The following ULK4 variants were observed in gnomAD, a reference collection of about 807,000 sequenced individuals.
The protein encoded by ULK4 is unc-51 like kinase 4.
Under a neutral mutation model 160.6 loss-of-function variants are expected in ULK4, and 133 were observed. That is an observed-to-expected ratio of 0.83 (90% CI 0.72 to 0.96). The LOEUF (loss-of-function observed/expected upper bound fraction) is 0.96, where lower values mean the gene tolerates loss of function less well. Among genes scored for constraint, ULK4 ranks in the 40% least tolerant of loss-of-function variants. ULK4 has a pLI of 0.00. For synonymous variants in ULK4, 534 were observed against 539.8 expected, an observed-to-expected ratio of 0.99 and a Z score of 0.15; for missense variants, 1,580 against 1,499.5, an observed-to-expected ratio of 1.05 and a Z score of -0.89.
intron 32 of ULK4, among the ~76,000 whole-genome samples, chr3:41,514,169 C>T (rs764233268): frequency 2.6e-4 from 40 of 152,038 alleles, no homozygotes; most frequent in Non-Finnish European, 5.0e-4. Context: ...GTAGATTTTG[C>T]TTGAAACAGG....
At chr3:41,819,753 T>C (rs761960602) in intron 18 of ULK4, among the ~76,000 whole-genome samples, 1 of 152,228 alleles carries the variant, frequency 6.6e-6, no homozygotes, top group East Asian at 1.9e-4. Flanking sequence ...CATTAGAAGG[T>C]AGATTTAAAA....
At chr3:41,836,052 C>A in intron 17 of ULK4, 81 bp from the exon 18 acceptor site, 2 of 955,054 alleles carry the variant, frequency 2.1e-6, no homozygotes, top group Non-Finnish European at 3.2e-6. Context: ...AAGCAGGATA[C>A]CCTGTAAAAG....
At chr3:41,385,324 T>C (rs1371076233) in intron 35 of ULK4, among the ~76,000 whole-genome samples, 2 of 152,008 alleles carry the variant, frequency 1.3e-5, no homozygotes, top group Non-Finnish European at 2.9e-5. Context: ...CAACAGAAAC[T>C]TGAAAGAGCA....
At chr3:41,482,232 G>C (rs143308054) in intron 32 of ULK4, among the ~76,000 whole-genome samples, 1,757 of 152,268 alleles carry the variant, frequency 0.012, 39 homozygotes, top group African/African-American at 0.036. Context: ...GTCTGCACGA[G>C]GGCACTGGCT....
intron 17 of ULK4, among the ~76,000 whole-genome samples, chr3:41,865,823 A>G (rs185375827): frequency 1.8e-3 from 272 of 152,314 alleles, no homozygotes; most frequent in Non-Finnish European, 2.8e-3. Context: ...ACAAAACTCA[A>G]AACTACAAAA....
rs2040091606 is a variant in ULK4 at position 41,789,677 on chromosome 3, C to T, written c.2177G>A (p.Arg726Lys). Residue 726 changes from arginine (R) to lysine (K), a missense_variant, in exon 21 of 37, where the codon AGA (arginine) becomes AAA (lysine). By Grantham distance (26) the Arg-to-Lys change is conservative. Transcript: ENST00000301831. ...AMLSCGIHLQ[R>K]LIQEKGFVST... is the part of the protein sequence containing the mutation. ...AAGTCAAACCTTTTCTTGGATTAGT[C>T]TTTGAAGATGAATCCCACAGGACAA... 2.5e-6 allele frequency: 4 copies of T among 1,582,074 alleles called. No individual in the cohort carries two copies. Among genetic ancestry groups the T allele is most frequent in the African/African-American group, 1.4e-5 (1 of 73,248 alleles).
intron 35 of ULK4, among the ~76,000 whole-genome samples, chr3:41,296,982 A>G (rs1218396430): frequency 6.6e-6 from 1 of 152,144 alleles, no homozygotes; most frequent in Non-Finnish European, 1.5e-5. Flanking sequence ...CACAGGAGTG[A>G]GATCTCATCC....
intron 35 of ULK4, among the ~76,000 whole-genome samples, chr3:41,319,047 T>C (rs1467369549): frequency 1.3e-5 from 2 of 152,206 alleles, no homozygotes; most frequent in Non-Finnish European, 2.9e-5. Flanking sequence ...AAAACAGGTC[T>C]ATGAAAATGA....
rs564599341 is a variant in ULK4, at chr3:41,735,447, T to C, written c.2322-17586A>G. On this transcript the variant is annotated intron_variant, in intron 22 of 36. Transcript: ENST00000301831. ...TCCCAATTCCCCTGGGTCACCCTTA[T>C]TCCCTTCGAGTTCTACCGAGCTCTA... 2.3e-4 allele frequency among the ~76,000 whole-genome samples: 35 copies of C among 152,258 alleles called. 1 individual carries two copies. The South Asian group carries it at 7.1e-3, about 31-fold the overall frequency.
intron 35 of ULK4, among the ~76,000 whole-genome samples, chr3:41,323,232 C>T (rs1461913105): frequency 2.0e-5 from 3 of 152,018 alleles, no homozygotes; most frequent in Admixed American, 2.0e-4. Flanking sequence ...CCACCATGCC[C>T]GGCCATTCTT....
At chr3:41,591,431 C>A (rs1484624153) in intron 31 of ULK4, among the ~76,000 whole-genome samples, 1 of 151,614 alleles carries the variant, frequency 6.6e-6, no homozygotes, top group Non-Finnish European at 1.5e-5. Context: ...CTTCCCTGGG[C>A]CACACTGGAA....
chr3:41,919,092 A>G (rs1206345924), intron 6 of ULK4, among the ~76,000 whole-genome samples: 2 of 152,212 alleles, frequency 1.3e-5, no homozygotes, highest in Non-Finnish European at 2.9e-5. Flanking sequence ...CTATGAACCA[A>G]TGGGTGCATG....
intron 32 of ULK4, among the ~76,000 whole-genome samples, chr3:41,504,026 T>C (rs2085298003): frequency 1.3e-5 from 2 of 152,142 alleles, no homozygotes; most frequent in South Asian, 2.1e-4. Flanking sequence ...AATCTCCCCA[T>C]AGAAAGAGAG....
intron 25 of ULK4, among the ~76,000 whole-genome samples, chr3:41,708,835 T>C (rs955357716): frequency 5.9e-5 from 9 of 152,218 alleles, no homozygotes; most frequent in Admixed American, 3.3e-4. Flanking sequence ...AAACAATCTG[T>C]TGTACACAAT....
At chr3:41,310,991 T>C (rs2080037108) in intron 35 of ULK4, among the ~76,000 whole-genome samples, 1 of 148,940 alleles carries the variant, frequency 6.7e-6, no homozygotes, top group South Asian at 2.1e-4. Flanking sequence ...AGACCTCGTC[T>C]CAAAAAAAAA....
intron 19 of ULK4, among the ~76,000 whole-genome samples, chr3:41,807,127 C>CA (rs201424174): frequency 5.9e-4 from 85 of 144,924 alleles, no homozygotes; most frequent in African/African-American, 2.1e-3. Context: ...GATCTTGTCT[C>CA]AAAAAAATAA....
At chr3:41,626,959 G>T (rs192070519) in intron 30 of ULK4, among the ~76,000 whole-genome samples, 1 of 152,126 alleles carries the variant, frequency 6.6e-6, no homozygotes, top group African/African-American at 2.4e-5. Context: ...AAGTAAATCT[G>T]ATAATATTTA....
At chr3:41,249,250 C>T (rs1212228533) in intron 36 of ULK4, among the ~76,000 whole-genome samples, 1 of 152,196 alleles carries the variant, frequency 6.6e-6, no homozygotes, top group Non-Finnish European at 1.5e-5. Flanking sequence ...AGGACTAAGA[C>T]TTTCTCTCCC....
At chr3:41,911,949 T>C (rs1165349545) in intron 9 of ULK4, among the ~76,000 whole-genome samples, 4 of 152,094 alleles carry the variant, frequency 2.6e-5, no homozygotes, top group Admixed American at 2.0e-4. Flanking sequence ...ACTCAGGAGT[T>C]TGAGACCAGC....
Sources: allele counts gnomAD v4.1 joint callset (sites outside exome capture counted in the v4.1 genomes callset), GRCh38; gene constraint gnomAD v4.1.1; transcripts MANE v1.5; gene names NCBI Gene and HGNC (gene_info 2026-07-23, HGNC 2026-07-21).